Variants in KCNQ5 observed in about 807,000 individuals in gnomAD.
KCNQ5 encodes the protein potassium voltage-gated channel subfamily KQT member 5.
In KCNQ5, 30 loss-of-function variants were observed where a neutral mutation model predicts 98.2. That is an observed-to-expected ratio of 0.31 (90% confidence interval 0.23 to 0.41). The LOEUF is 0.41. Among genes scored for constraint, KCNQ5 ranks in the 10% least tolerant of loss-of-function variants. The pLI is 1.00. For missense variants in KCNQ5, 835 were observed against 1,182.5 expected (o/e 0.71, Z 4.31); for synonymous variants, 458 against 449.4 (o/e 1.02, Z -0.24).
At chr6:72,623,954 C>T (rs1025444063) in intron 1 of KCNQ5, among the ~76,000 whole-genome samples, 1 of 152,126 alleles carries the variant, frequency 6.6e-6, no homozygotes, top group African/African-American at 2.4e-5. Context: ...GGAATTCAAC[C>T]ACATAGGAGT....
chr6:72,857,246 G>A (rs568662598), intron 1 of KCNQ5, among the ~76,000 whole-genome samples: 21 of 152,226 alleles, frequency 1.4e-4, no homozygotes, highest in African/African-American at 5.1e-4. Context: ...TTAAGTTACA[G>A]TATACTAAAC....
intron 1 of KCNQ5, among the ~76,000 whole-genome samples, chr6:72,709,823 AT>A (rs1362306423): frequency 4.6e-5 from 7 of 152,214 alleles, no homozygotes; most frequent in Non-Finnish European, 8.8e-5. Flanking sequence ...TATTAAAAAA[AT>A]GTATATTGAG....
intron 3 of KCNQ5, among the ~76,000 whole-genome samples, chr6:73,064,508 T>A (rs1247325105): frequency 6.6e-6 from 1 of 152,164 alleles, no homozygotes; most frequent in African/African-American, 2.4e-5. Flanking sequence ...TGATTATTCA[T>A]TGGTGGAATC....
At chr6:72,689,353 C>T (rs530909660) in intron 1 of KCNQ5, among the ~76,000 whole-genome samples, 1 of 152,258 alleles carries the variant, frequency 6.6e-6, no homozygotes, top group African/African-American at 2.4e-5. Context: ...AAATCTCCAC[C>T]AAAAAGAAGC....
chr6:72,825,628 C>CT (rs1775960309), intron 1 of KCNQ5, among the ~76,000 whole-genome samples: 1 of 152,114 alleles, frequency 6.6e-6, no homozygotes, highest in African/African-American at 2.4e-5. Context: ...TAGGTGGGAC[C>CT]TATACTATGC....
At chr6:72,954,918 G>T (rs1766974480) in intron 1 of KCNQ5, among the ~76,000 whole-genome samples, 1 of 152,170 alleles carries the variant, frequency 6.6e-6, no homozygotes, top group South Asian at 2.1e-4. Context: ...AGCTCACACG[G>T]TTCACCAGTC....
At chr6:73,000,206 C>T (rs1483230512) in intron 1 of KCNQ5, among the ~76,000 whole-genome samples, 2 of 152,106 alleles carry the variant, frequency 1.3e-5, no homozygotes, top group East Asian at 3.9e-4. Flanking sequence ...TATGTCACTG[C>T]CAATCAGCCC....
chr6:73,053,191 G>C (rs1055214472), intron 3 of KCNQ5, among the ~76,000 whole-genome samples: 3 of 152,114 alleles, frequency 2.0e-5, no homozygotes, highest in Admixed American at 6.5e-5. Context: ...CAAAAGGCCA[G>C]ACTTAACTAT....
intron 1 of KCNQ5, among the ~76,000 whole-genome samples, chr6:72,649,395 A>T (rs1431833543): frequency 1.3e-5 from 2 of 152,182 alleles, no homozygotes; most frequent in African/African-American, 4.8e-5. Context: ...ACTCGTGTAT[A>T]GGCACATTAC....
intron 1 of KCNQ5, among the ~76,000 whole-genome samples, chr6:72,639,534 G>T (rs1369437677): frequency 6.6e-6 from 1 of 152,154 alleles, no homozygotes; most frequent in African/African-American, 2.4e-5. Flanking sequence ...AGGGTGAGGG[G>T]TGTCCCTGAA....
chr6:72,797,306 C>T (rs758616297), intron 1 of KCNQ5, among the ~76,000 whole-genome samples: 28 of 151,898 alleles, frequency 1.8e-4, no homozygotes, highest in Non-Finnish European at 3.5e-4. Flanking sequence ...CTGCTTGAGC[C>T]CAGCCTGGGA....
intron 1 of KCNQ5, among the ~76,000 whole-genome samples, chr6:72,725,227 A>C (rs1192441039): frequency 6.6e-6 from 1 of 152,168 alleles, no homozygotes; most frequent in East Asian, 1.9e-4. Context: ...ACAAAATTAC[A>C]TTGGGTTATA....
At chr6:72,759,694 GT>G (rs1293720829) in intron 1 of KCNQ5, among the ~76,000 whole-genome samples, 3 of 152,044 alleles carry the variant, frequency 2.0e-5, no homozygotes, top group Non-Finnish European at 4.4e-5. Flanking sequence ...ATGAGCCACT[GT>G]TTTAGAGATG....
intron 3 of KCNQ5, chr6:73,055,076 C>G: frequency 5.9e-6 from 4 of 675,992 alleles, no homozygotes; most frequent in Middle Eastern, 4.3e-4. Flanking sequence ...ATCAAGAATG[C>G]TATCCCCCAA....
intron 1 of KCNQ5, among the ~76,000 whole-genome samples, chr6:72,917,454 T>TTTTTATTTTATTTTA (rs199931952): frequency 2.0e-5 from 3 of 147,762 alleles, no homozygotes; most frequent in African/African-American, 5.0e-5. Context: ...TTTATTTTTA[T>TTTTTATTTTATTTTA]TTTTATTTTA....
chr6:72,908,402 A>C (rs566248686), intron 1 of KCNQ5, among the ~76,000 whole-genome samples: 1 of 152,250 alleles, frequency 6.6e-6, no homozygotes, highest in East Asian at 1.9e-4. Context: ...TAGATATGTT[A>C]ATCTTCTTCA....
At chr6:72,695,203 C>T (rs778390323) in intron 1 of KCNQ5, among the ~76,000 whole-genome samples, 1 of 152,166 alleles carries the variant, frequency 6.6e-6, no homozygotes, top group Non-Finnish European at 1.5e-5. Flanking sequence ...TCTAGGACAA[C>T]TGCCGTCAAG....
intron 1 of KCNQ5, chr6:72,987,570 C>T: frequency 1.6e-6 from 1 of 630,242 alleles, no homozygotes; most frequent in South Asian, 1.5e-5. Flanking sequence ...CCAACATAGC[C>T]CTCAGCAAGA....
At chr6:72,907,637 T>C (rs1318366665) in intron 1 of KCNQ5, among the ~76,000 whole-genome samples, 10 of 152,130 alleles carry the variant, frequency 6.6e-5, no homozygotes, top group Admixed American at 6.5e-4. Flanking sequence ...CTATCAATCA[T>C]ATGACATGAC....
Sources: allele counts gnomAD v4.1 joint callset (sites outside exome capture counted in the v4.1 genomes callset), GRCh38; gene constraint gnomAD v4.1.1; transcripts MANE v1.5; gene names NCBI Gene and HGNC (gene_info 2026-07-23, HGNC 2026-07-21).